The following SORCS1 variants were observed in gnomAD, a reference collection of about 807,000 sequenced individuals.
SORCS1 encodes the protein sortilin related VPS10 domain containing receptor 1, also known as VPS10 domain-containing receptor SorCS1.
SORCS1 carries 60 observed loss-of-function variants against 146.1 expected under a neutral mutation model. That is an observed-to-expected ratio of 0.41 (90% CI 0.33 to 0.51). The LOEUF is 0.51. Ranked by LOEUF, SORCS1 falls within the 20% of genes least tolerant of loss-of-function variation. SORCS1 has a pLI of 0.21. For synonymous variants in SORCS1, 637 were observed against 584.0 expected (o/e 1.09, Z -1.31); for missense variants, 1,352 against 1,487.6 (o/e 0.91, Z 1.50).
chr10:107,154,739 C>G (rs966627225), intron 1 of SORCS1, among the ~76,000 whole-genome samples: 2 of 152,052 alleles, frequency 1.3e-5, no homozygotes, highest in African/African-American at 4.8e-5. Context: ...TTTTAATAGG[C>G]CATACTGGAG....
At chr10:107,114,000 G>A (rs1965864865) in intron 1 of SORCS1, among the ~76,000 whole-genome samples, 1 of 152,022 alleles carries the variant, frequency 6.6e-6, no homozygotes, top group Non-Finnish European at 1.5e-5. Flanking sequence ...AGGATCATAA[G>A]AGACTACTTG....
At chr10:107,170,472 G>T in the SORCS1 span, among the ~76,000 whole-genome samples, 1 of 152,126 alleles carries the variant, frequency 6.6e-6, no homozygotes, top group South Asian at 2.1e-4. Flanking sequence ...GAAGTCTTTG[G>T]TTATATTTGT....
At chr10:106,630,456 T>C (rs1382695905) in intron 18 of SORCS1, among the ~76,000 whole-genome samples, 1 of 152,158 alleles carries the variant, frequency 6.6e-6, no homozygotes, top group African/African-American at 2.4e-5. Flanking sequence ...GTCCTGGTAT[T>C]CTAACTCACC....
In SORCS1 at chr10:106,819,458, C is replaced by A. The variant is rs117110498; in HGVS notation, c.726+10116G>T. The stretch of plus-strand genomic sequence containing the variant: ...ACCACCTTCAAATAACAAAGTGTAT[C>A]TCCGCAGTGACAGGAAATAGGTGCT... On this transcript the variant is annotated intron_variant, in intron 3 of 25. Transcript: ENST00000263054. Among the ~76,000 whole-genome samples, 104 of 152,280 alleles carry A rather than the reference C, an allele frequency of 6.8e-4. 3 individuals are homozygous for A. The East Asian group carries it at 0.019, about 28-fold the overall frequency.
intron 8 of SORCS1, among the ~76,000 whole-genome samples, chr10:106,699,995 A>G (rs148168586): frequency 6.6e-6 from 1 of 152,300 alleles, no homozygotes; most frequent in East Asian, 1.9e-4. Context: ...AGTCTCCTCT[A>G]CCCTCAGCCC....
chr10:107,113,508 G>A (rs1965826432), intron 1 of SORCS1, among the ~76,000 whole-genome samples: 1 of 151,824 alleles, frequency 6.6e-6, no homozygotes, highest in Admixed American at 6.6e-5. Flanking sequence ...TGGCCAACAT[G>A]GTGAAATCCT....
intron 23 of SORCS1, chr10:106,600,558 A>G: frequency 1.0e-6 from 1 of 985,356 alleles, no homozygotes; most frequent in Admixed American, 6.1e-5. Context: ...AGAAGTGTTT[A>G]TCCTGTATTT....
chr10:106,751,478 TAAAGGACAGGCTCGCA>T (rs1456356935), intron 5 of SORCS1, among the ~76,000 whole-genome samples: 2 of 152,176 alleles, frequency 1.3e-5, no homozygotes, highest in Non-Finnish European at 2.9e-5. Context: ...AAATCAGCAG[TAAAGGACAGGCTCGCA>T]CTGTGAGAGC....
rs577045111 is a variant in SORCS1 at position 107,015,091 on chromosome 10, C to T, written c.559-58511G>A. ...AGCTACAACCTTTCACCAGAGTATACCCTATATCTAAATCACCGGTAGAAA... is the reference window on the plus strand; with the variant it reads ...AGCTACAACCTTTCACCAGAGTATATCCTATATCTAAATCACCGGTAGAAA... On this transcript the variant is annotated intron_variant, in intron 1 of 25. Coordinates refer to ENST00000263054, the MANE Select transcript of SORCS1 (RefSeq NM_052918.5). Among the ~76,000 whole-genome samples the T allele has an allele frequency of 5.3e-5, 8 of 152,296 alleles. No homozygotes were observed. The South Asian group carries it at 1.5e-3, about 28-fold the overall frequency.
chr10:107,026,542 C>T (rs143114809), intron 1 of SORCS1, among the ~76,000 whole-genome samples: 37 of 151,596 alleles, frequency 2.4e-4, no homozygotes, highest in African/African-American at 5.6e-4. Context: ...GGCGTGAACC[C>T]AGGAGGCGAA....
chr10:106,742,665 T>C (rs1202274663), intron 5 of SORCS1, among the ~76,000 whole-genome samples: 3 of 152,090 alleles, frequency 2.0e-5, no homozygotes, highest in Non-Finnish European at 4.4e-5. Flanking sequence ...CAGGTGTGAG[T>C]CACCACGCCT....
intron 2 of SORCS1, among the ~76,000 whole-genome samples, chr10:106,879,014 G>A (rs137953944): frequency 6.6e-6 from 1 of 152,002 alleles, no homozygotes; most frequent in Non-Finnish European, 1.5e-5. Flanking sequence ...GCCGGACATG[G>A]TGGTGGGCGC....
chr10:106,696,200 C>T (rs1461643150), intron 9 of SORCS1, among the ~76,000 whole-genome samples: 1 of 152,190 alleles, frequency 6.6e-6, no homozygotes, highest in Admixed American at 6.5e-5. Context: ...GACATGCACT[C>T]CATGTATGCT....
At chr10:106,609,934 G>A (rs1846862882) in intron 22 of SORCS1, among the ~76,000 whole-genome samples, 1 of 152,226 alleles carries the variant, frequency 6.6e-6, no homozygotes, top group South Asian at 2.1e-4. Context: ...GAATGCTGCA[G>A]ATGAGAAGAG....
rs557562043 is a variant in SORCS1, at chr10:106,731,035, C to T, written c.960-921G>A. Among the ~76,000 whole-genome samples the T allele has an allele frequency of 3.9e-5, 6 of 152,210 alleles. No homozygotes were observed. The East Asian group carries it at 9.7e-4, about 25-fold the overall frequency. ...TAAAACTACTTATCCCTGGGCCGGG[C>T]GTGGTGGCTCACGCCTGTAATCCCA... On this transcript the variant is annotated intron_variant, in intron 5 of 25. Transcript: ENST00000263054.
chr10:106,592,024 T>C (rs1845632982), intron 24 of SORCS1, among the ~76,000 whole-genome samples: 1 of 152,166 alleles, frequency 6.6e-6, no homozygotes, highest in Non-Finnish European at 1.5e-5. Flanking sequence ...ATAGCCTTTG[T>C]TTGCTAAACA....
Position 106,983,108 on chromosome 10 carries a change from T to TTA in SORCS1, c.559-26530_559-26529dup, listed in dbSNP as rs142010793. ...TATTTCCTCATTATCTCAGAGGAGG[T>TTA]TATATATATATATATTTCTATAAAT... On this transcript the variant is annotated intron_variant, in intron 1 of 25. Transcript: ENST00000263054. 1.3e-3 allele frequency among the ~76,000 whole-genome samples: 192 copies of TTA among 147,320 alleles called. 1 individual carries two copies. Among genetic ancestry groups the TTA allele is most frequent in the Non-Finnish European group, 2.3e-3 (152 of 66,936 alleles).
intron 1 of SORCS1, among the ~76,000 whole-genome samples, chr10:107,020,619 C>T (rs1958086324): frequency 1.3e-5 from 2 of 152,152 alleles, no homozygotes; most frequent in Admixed American, 6.5e-5. Context: ...TGTTTGAACC[C>T]AAGCCCTCAT....
intron 2 of SORCS1, among the ~76,000 whole-genome samples, chr10:106,856,286 C>G (rs1949784678): frequency 6.6e-6 from 1 of 152,142 alleles, no homozygotes. Context: ...CTCGGCCTCC[C>G]AAAATGCTGG....
Sources: allele counts gnomAD v4.1 joint callset (sites outside exome capture counted in the v4.1 genomes callset), GRCh38; gene constraint gnomAD v4.1.1; transcripts MANE v1.5; gene names NCBI Gene and HGNC (gene_info 2026-07-23, HGNC 2026-07-21).